WDR3: variants seen among roughly 807,000 people sequenced by gnomAD.
WDR3 encodes the protein WD repeat-containing protein 3.
In WDR3, 81 loss-of-function variants were observed where a neutral mutation model predicts 123.7. The ratio of observed to expected loss-of-function variants is 0.65; its 90% confidence interval spans 0.55 to 0.79. The LOEUF is 0.79. Among genes scored for constraint, WDR3 ranks in the 30% least tolerant of loss-of-function variants. The pLI, the probability that WDR3 is intolerant of heterozygous loss-of-function variation, is 0.00. For synonymous variants in WDR3, 390 were observed against 388.8 expected (o/e 1.00, Z -0.04); for missense variants, 1,027 against 1,123.2 (o/e 0.91, Z 1.22).
intron 10 of WDR3, among the ~76,000 whole-genome samples, chr1:117,942,849 A>G (rs1376574696): frequency 6.6e-6 from 1 of 151,586 alleles, no homozygotes; most frequent in African/African-American, 2.4e-5. Flanking sequence ...GAATACATAC[A>G]CAGAACCAAA....
chr1:117,934,798 A>G (rs1371849717), intron 3 of WDR3, 116 bp downstream of exon 3: 6 of 989,762 alleles, frequency 6.1e-6, no homozygotes, highest in Non-Finnish European at 8.9e-6. Context: ...TATACAAAGT[A>G]GTATAATGAT....
At chr1:117,939,340 G>A in intron 5 of WDR3, 137 bp from the exon 6 acceptor site, 1 of 790,750 alleles carries the variant, frequency 1.3e-6, no homozygotes, top group South Asian at 1.8e-5. Context: ...CATTTTGAAA[G>A]GGTTGTCGAT....
chr1:117,962,675 T>C lies in WDR3; in HGVS notation c.*3228T>C, dbSNP rs1653264706. 1 of 152,240 alleles carries C rather than the reference T, an allele frequency of 6.6e-6. No individual in the cohort carries two copies. The highest frequency in any genetic ancestry group is 1.5e-5 in the Non-Finnish European group (1 of 68,048). 9.4% of individuals were successfully genotyped at this position (152,240 alleles called of 1,614,324 possible). ...ATTTTGAAATTCACTGGCTGGAAGC[T>C]AGGTGCTTTGTATATTTGGTATTAA... On this transcript the variant is annotated 3_prime_UTR_variant, in exon 27 of 27. Transcript: ENST00000349139.
In WDR3 at chr1:117,964,409, T is replaced by C. The variant is rs947566572; in HGVS notation, c.*4962T>C. 6.5e-6 allele frequency: 1 copy of C among 152,894 alleles called. No individual in the cohort carries two copies. The highest frequency in any genetic ancestry group is 1.5e-5 in the Non-Finnish European group (1 of 68,518). 9.5% of individuals were successfully genotyped at this position (152,894 alleles called of 1,614,324 possible). A position where few individuals can be genotyped will look rare whatever the true frequency, so the allele number is the denominator to read the frequency against. ...ATAAATACAAATGATTTCATTGCTA[T>C]GATCAGCAGCAGTGACTCAGGTATT... On this transcript the variant is annotated 3_prime_UTR_variant, in exon 27 of 27. Transcript: ENST00000349139.
At position 117,949,842 on chromosome 1, in the gene WDR3, T is replaced by C; in HGVS notation, c.1610+6T>C. 1 of 1,612,840 alleles carries C rather than the reference T, an allele frequency of 6.2e-7. No individual in the cohort carries two copies. Among genetic ancestry groups the C allele is most frequent in the Non-Finnish European group, 8.5e-7 (1 of 1,179,154 alleles). On this transcript the variant is annotated splice_donor_region_variant and intron_variant, in intron 14 of 26. Coordinates refer to ENST00000349139, the MANE Select transcript of WDR3 (RefSeq NM_006784.3). ...GAAAATAGTACCCAAAAGAGGTGAG[T>C]AGACATTTTTTGTGTCCATTTTTTG...
chr1:117,957,825 A>T (rs1652442316), intron 25 of WDR3, among the ~76,000 whole-genome samples: 1 of 152,194 alleles, frequency 6.6e-6, no homozygotes. Context: ...GTGTAAGCTA[A>T]CAGGTTTTGC....
Position 117,939,570 on chromosome 1 carries a change from G to C in WDR3, c.673G>C (p.Glu225Gln). The change falls in exon 6 of 27, where the codon GAG becomes CAG. Residue 225 changes from glutamate to glutamine, a missense_variant and splice_region_variant. Physicochemically the swap from Glu to Gln is conservative, Grantham distance 29. Transcript: ENST00000349139. ...LRVWDIAYLQ[E>Q]IEDPEEPDPK... ...GGTATGGGACATAGCTTATCTGCAA[G>C]AGGTAATTACTTCTTAAAATCATGG... The C allele has an allele frequency of 6.2e-7, 1 of 1,613,472 alleles. No homozygotes were observed.
chr1:117,941,048 T>C, intron 7 of WDR3, 76 bp from the exon 8 acceptor site: 1 of 1,587,652 alleles, frequency 6.3e-7, no homozygotes. Context: ...TCACTTGCAC[T>C]TATTAGAATT....
rs373131863 is a variant in WDR3 at position 117,964,236 on chromosome 1, C to CTTTT, written c.*4803_*4806dup. The CTTTT allele has an allele frequency of 2.3e-5, 3 of 131,804 alleles. No homozygotes were observed. Among genetic ancestry groups the CTTTT allele is most frequent in the East Asian group, 2.0e-4 (1 of 5,050 alleles). 8.2% of individuals were successfully genotyped at this position (131,804 alleles called of 1,614,324 possible). A position where few individuals can be genotyped will look rare whatever the true frequency, so the allele number is the denominator to read the frequency against. ...AACCATATCTACATCAGATTTCATG[C>CTTTT]TTTTTTTTTTTTTTTTTGGTGGGGA... is the stretch of plus-strand genomic sequence containing the variant. On this transcript the variant is annotated 3_prime_UTR_variant, in exon 27 of 27. Coordinates refer to ENST00000349139, the MANE Select transcript of WDR3 (RefSeq NM_006784.3).
At chr1:117,930,789 A>C (rs1320992775) in intron 1 of WDR3, among the ~76,000 whole-genome samples, 1 of 152,222 alleles carries the variant, frequency 6.6e-6, no homozygotes, top group African/African-American at 2.4e-5. Flanking sequence ...AGTGGTTAAA[A>C]GCAGAAATTT....
chr1:117,936,309 T>C (rs1468691279), intron 3 of WDR3, among the ~76,000 whole-genome samples: 1 of 151,970 alleles, frequency 6.6e-6, no homozygotes, highest in Non-Finnish European at 1.5e-5. Flanking sequence ...GAAATTTGTA[T>C]ATAAGAATGT....
rs754259940 is a variant in WDR3, at chr1:117,948,492, C to T, written c.1510C>T (p.Leu504Phe). 1.9e-6 allele frequency: 3 copies of T among 1,613,544 alleles called. No individual in the cohort carries two copies. In the Admixed American group the frequency reaches 5.0e-5, roughly 27 times the overall value. Residue 504 changes from leucine (L) to phenylalanine (F), a missense_variant, in exon 13 of 27, where the codon CTC (leucine) becomes TTC (phenylalanine). Coordinates refer to ENST00000349139, the MANE Select transcript of WDR3 (RefSeq NM_006784.3). ...AHDGALWSMS[L>F]SPDQRGFVTG... The stretch of plus-strand genomic sequence containing the variant: ...TGATGGAGCTTTGTGGTCCATGTCC[C>T]TCTCTCCAGATCAGGTAACTAAACC...
At chr1:117,954,172 T>C in intron 22 of WDR3, 73 bp downstream of exon 22, 1 of 1,284,986 alleles carries the variant, frequency 7.8e-7, no homozygotes, top group Non-Finnish European at 1.1e-6. Flanking sequence ...TGTTTTGGGA[T>C]TTATTAACTA....
Position 117,943,552 on chromosome 1 carries a change from G to A in WDR3, c.1254G>A (p.Val418=). The part of the protein sequence containing the change: ...RITIGGHRSD[V]RTLSFSSDNI... ...CTATTGGGGGTCATCGCAGTGATGT[G>A]CGGACTTTGTCATTCAGCTCAGACA... Residue 418 remains valine, a synonymous_variant, in exon 11 of 27, where the codon GTG becomes GTA. Transcript: ENST00000349139. 1.2e-6 allele frequency: 2 copies of A among 1,614,112 alleles called. No individual in the cohort carries two copies. The highest frequency in any genetic ancestry group is 8.5e-7 in the Non-Finnish European group (1 of 1,180,022).
intron 2 of WDR3, 120 bp downstream of exon 2, chr1:117,933,610 G>A: frequency 1.5e-6 from 2 of 1,368,308 alleles, no homozygotes. Flanking sequence ...GCCCTTAGAA[G>A]AAAAATCTTT....
rs1370052830 is a variant in WDR3, at chr1:117,961,861, T to C, written c.*2414T>C. On this transcript the variant is annotated 3_prime_UTR_variant, in exon 27 of 27. Transcript: ENST00000349139. ...TTCTAGGTGCTTTCCAAGGAGTCAG[T>C]GTTGTTTAGGCAGCTATTCCTGCCA... is the stretch of plus-strand genomic sequence containing the variant. 6.6e-6 allele frequency: 1 copy of C among 152,426 alleles called. No individual in the cohort carries two copies. The highest frequency in any genetic ancestry group is 2.4e-5 in the African/African-American group (1 of 41,392). 9.4% of individuals were successfully genotyped at this position (152,426 alleles called of 1,614,324 possible). A position where few individuals can be genotyped will look rare whatever the true frequency, so the allele number is the denominator to read the frequency against.
rs775052683 is a variant in WDR3, at chr1:117,941,740, GC to G, written c.892-8del. ...TCTCCTTGACTCACATTAACCTTTT[GC>G]CTTTCTAGGGAACTGACTCTGTGCT... On this transcript the variant is annotated splice_polypyrimidine_tract_variant and intron_variant, in intron 8 of 26. Coordinates refer to ENST00000349139, the MANE Select transcript of WDR3 (RefSeq NM_006784.3). 6.2e-7 allele frequency: 1 copy of G among 1,605,592 alleles called. No individual in the cohort carries two copies. Among genetic ancestry groups the G allele is most frequent in the South Asian group, 1.1e-5 (1 of 88,690 alleles).
intron 24 of WDR3, among the ~76,000 whole-genome samples, chr1:117,956,758 A>G (rs1652259184): frequency 6.6e-6 from 1 of 152,238 alleles, no homozygotes; most frequent in South Asian, 2.1e-4. Flanking sequence ...TGGACTCAAT[A>G]TATGGTAAAA....
chr1:117,947,415 G>A (rs1239007629), intron 12 of WDR3, among the ~76,000 whole-genome samples: 1 of 152,212 alleles, frequency 6.6e-6, no homozygotes, highest in East Asian at 1.9e-4. Context: ...ACAAAAAAAT[G>A]TAGGCTGGAG....
Sources: gnomAD v4.1 joint callset for allele counts (sites outside exome capture counted in the v4.1 genomes callset) on GRCh38, gnomAD v4.1.1 for gene constraint, MANE v1.5 for transcripts, NCBI Gene and HGNC (gene_info 2026-07-23, HGNC 2026-07-21) for gene names.